Variants in AASDHPPT observed in about 807,000 individuals in gnomAD.
The protein encoded by AASDHPPT is L-aminoadipate-semialdehyde dehydrogenase-phosphopantetheinyl transferase.
A neutral mutation model predicts 36.4 loss-of-function variants in AASDHPPT; 23 were observed. The observed-to-expected ratio is 0.63, with a 90% CI of 0.45 to 0.89. AASDHPPT has a LOEUF of 0.89. AASDHPPT is among the 40% of genes least tolerant of loss of function. The probability of loss-of-function intolerance (pLI) is 0.00; values close to 1 mark genes in which losing one functional copy is unlikely to be tolerated. For missense variants in AASDHPPT, 377 were observed against 378.2 expected, an observed-to-expected ratio of 1.00 and a Z score of 0.03; for synonymous variants, 115 against 128.0, an observed-to-expected ratio of 0.90 and a Z score of 0.68.
chr11:106,090,242 A>G (rs1372948164), intron 2 of AASDHPPT, among the ~76,000 whole-genome samples: 1 of 151,998 alleles, frequency 6.6e-6, no homozygotes, highest in Non-Finnish European at 1.5e-5. Context: ...AATTTTATCA[A>G]AACTTTTTGG....
At chr11:106,080,740 A>G (rs906366703) in intron 2 of AASDHPPT, among the ~76,000 whole-genome samples, 2 of 152,230 alleles carry the variant, frequency 1.3e-5, no homozygotes, top group Admixed American at 6.5e-5. Context: ...TCCTAATTTC[A>G]TAGTAAAACT....
chr11:106,079,320 C>A (rs1861104842), intron 1 of AASDHPPT, 147 bp from the exon 2 acceptor site: 8 of 645,382 alleles, frequency 1.2e-5, no homozygotes, highest in Middle Eastern at 8.6e-4. Flanking sequence ...TTGCTTAAGT[C>A]TTAATTAACG....
At chr11:106,088,920 C>T (rs571267223) in intron 2 of AASDHPPT, among the ~76,000 whole-genome samples, 4 of 151,978 alleles carry the variant, frequency 2.6e-5, no homozygotes, top group Non-Finnish European at 5.9e-5. Flanking sequence ...TAAGAGGAGA[C>T]TATTTTGACT....
chr11:106,085,317 G>A (rs948314503), intron 2 of AASDHPPT, among the ~76,000 whole-genome samples: 1 of 151,530 alleles, frequency 6.6e-6, no homozygotes, highest in African/African-American at 2.4e-5. Context: ...TAGCCAGGGT[G>A]GTCTTGATCT....
chr11:106,085,200 C>G (rs911503086), intron 2 of AASDHPPT, among the ~76,000 whole-genome samples: 10 of 152,076 alleles, frequency 6.6e-5, no homozygotes, highest in Admixed American at 1.3e-4. Flanking sequence ...CTCCTGGGTT[C>G]ACACCATTCT....
intron 2 of AASDHPPT, among the ~76,000 whole-genome samples, chr11:106,083,641 T>G (rs1861166784): frequency 6.6e-6 from 1 of 152,166 alleles, no homozygotes; most frequent in Non-Finnish European, 1.5e-5. Flanking sequence ...CTGGAAGAGT[T>G]AATCTTAGAG....
At position 106,079,937 on chromosome 11, in the gene AASDHPPT, T is replaced by G. The variant is rs190067771; in HGVS notation, c.409+245T>G. 3.8e-3 allele frequency among the ~76,000 whole-genome samples: 584 copies of G among 152,332 alleles called. 3 individuals carry two copies. The highest frequency in any genetic ancestry group is 5.9e-3 in the Non-Finnish European group (404 of 68,006). ...TCCATAACTTTGCCTAGAGGTAAAGTGAAATATTAAGTGAAATTTTTTTTG... is the reference window on the plus strand; with the variant it reads ...TCCATAACTTTGCCTAGAGGTAAAGGGAAATATTAAGTGAAATTTTTTTTG... On this transcript the variant is annotated intron_variant, in intron 2 of 5. Coordinates refer to ENST00000278618, the MANE Select transcript of AASDHPPT (RefSeq NM_015423.3).
intron 5 of AASDHPPT, among the ~76,000 whole-genome samples, chr11:106,096,373 G>T (rs1427460224): frequency 1.3e-5 from 2 of 152,056 alleles, no homozygotes; most frequent in Admixed American, 6.6e-5. Context: ...TTTCACAAAA[G>T]TTCACTTTCT....
At chr11:106,089,667 T>C (rs2135042284) in intron 2 of AASDHPPT, 1 of 152,134 alleles carries the variant, frequency 6.6e-6, no homozygotes, top group Admixed American at 6.5e-5. Context: ...AAATGAATGA[T>C]GGTAGAAAGT....
intron 2 of AASDHPPT, among the ~76,000 whole-genome samples, chr11:106,081,236 A>G (rs1289251588): frequency 1.3e-5 from 2 of 152,154 alleles, no homozygotes; most frequent in Middle Eastern, 3.2e-3. Context: ...TTTTCCTACT[A>G]GCTACTCTTT....
intron 2 of AASDHPPT, among the ~76,000 whole-genome samples, 178 bp downstream of exon 2, chr11:106,079,870 TAC>T (rs1861115931): frequency 1.3e-5 from 2 of 152,182 alleles, no homozygotes; most frequent in Admixed American, 1.3e-4. Flanking sequence ...CATGAATATT[TAC>T]AGACTTACAC....
In AASDHPPT at chr11:106,098,275, G is replaced by C. The variant is rs1861339231; in HGVS notation, c.*1368G>C. Reference sequence around the variant, plus strand: ...GTATTCCTCTTAACGTGAACCGTCTGTTCATTGTTTTTACCTGTTTTCGTT... The same window carrying C: ...GTATTCCTCTTAACGTGAACCGTCTCTTCATTGTTTTTACCTGTTTTCGTT... On this transcript the variant is annotated 3_prime_UTR_variant, in exon 6 of 6. Coordinates refer to ENST00000278618, the MANE Select transcript of AASDHPPT (RefSeq NM_015423.3). The C allele has an allele frequency of 6.6e-6, 1 of 152,014 alleles. No homozygotes were observed. The highest frequency in any genetic ancestry group is 1.5e-5 in the Non-Finnish European group (1 of 67,972). The allele number at this position is 152,014 out of a possible 1,614,324, so 9.4% of individuals were successfully genotyped here.
chr11:106,091,785 T>G, intron 4 of AASDHPPT: 2 of 203,168 alleles, frequency 9.8e-6, no homozygotes, highest in East Asian at 1.1e-4. Context: ...TTAAGAGAGA[T>G]TCCAGATCAG....
rs1861338135 is a variant in AASDHPPT at position 106,098,205 on chromosome 11, TC to T, written c.*1299del. Reference sequence around the variant, plus strand: ...GTCATTTTTAAAATTTGTATTTCTTTCATTACAAATAAGATTGTTATGTCAG... The same window carrying T: ...GTCATTTTTAAAATTTGTATTTCTTTATTACAAATAAGATTGTTATGTCAG... On this transcript the variant is annotated 3_prime_UTR_variant, in exon 6 of 6. Transcript: ENST00000278618. 6.6e-6 allele frequency: 1 copy of T among 152,182 alleles called. No homozygotes were observed. Among genetic ancestry groups the T allele is most frequent in the African/African-American group, 2.4e-5 (1 of 41,456 alleles). 9.4% of individuals were successfully genotyped at this position (152,182 alleles called of 1,614,324 possible).
rs185130252 is a variant in AASDHPPT at position 106,079,525 on chromosome 11, A to T, written c.242A>T (p.His81Leu). 6.2e-7 allele frequency: 1 copy of T among 1,614,144 alleles called. No homozygotes were observed. The highest frequency in any genetic ancestry group is 8.5e-7 in the Non-Finnish European group (1 of 1,179,988). The change falls in exon 2 of 6, where the codon CAT (histidine) becomes CTT (leucine). Residue 81 changes from histidine (H) to leucine (L), a missense_variant. By Grantham distance (99) the His-to-Leu change is moderately conservative. Transcript: ENST00000278618. ...VAEKLNIPWN[H>L]IRLQRTAKGK... ...GAGAAATTGAATATCCCTTGGAATC[A>T]TATTCGTTTGCAAAGAACTGCAAAA...
chr11:106,085,230 T>C (rs568688682), intron 2 of AASDHPPT, among the ~76,000 whole-genome samples: 2 of 152,196 alleles, frequency 1.3e-5, no homozygotes, highest in South Asian at 2.1e-4. Flanking sequence ...GCCTCCAGAG[T>C]AGCTGGGACT....
chr11:106,084,387 A>G (rs1861176078), intron 2 of AASDHPPT, among the ~76,000 whole-genome samples: 1 of 152,218 alleles, frequency 6.6e-6, no homozygotes, highest in Admixed American at 6.5e-5. Flanking sequence ...TGGTGGATGC[A>G]TTCTGCAGAT....
In AASDHPPT at chr11:106,097,200, C is replaced by T. The variant is rs1861324367; in HGVS notation, c.*293C>T. On this transcript the variant is annotated 3_prime_UTR_variant, in exon 6 of 6. Transcript: ENST00000278618. ...GAAAATGCACATAAGCAAAAGGAAA[C>T]ATTTAAATGCTATCTTTCAAAGATA... 8.8e-6 allele frequency: 2 copies of T among 228,066 alleles called. No individual in the cohort carries two copies. Among genetic ancestry groups the T allele is most frequent in the Non-Finnish European group, 1.7e-5 (2 of 119,244 alleles). The allele number at this position is 228,066 out of a possible 1,614,324, so 14.1% of individuals were successfully genotyped here.
At chr11:106,096,452 T>TA (rs1226002703) in intron 5 of AASDHPPT, 1 of 226,364 alleles carries the variant, frequency 4.4e-6, no homozygotes. Flanking sequence ...TTCTAACTGA[T>TA]ATGTAGTAAA....
Sources: allele counts gnomAD v4.1 joint callset (sites outside exome capture counted in the v4.1 genomes callset), GRCh38; gene constraint gnomAD v4.1.1; transcripts MANE v1.5; gene names NCBI Gene and HGNC (gene_info 2026-07-23, HGNC 2026-07-21).